Variants in SERGEF observed in about 807,000 individuals in gnomAD.
SERGEF encodes secretion-regulating guanine nucleotide exchange factor.
In SERGEF, 51 loss-of-function variants were observed where a neutral mutation model predicts 50.0. The ratio of observed to expected loss-of-function variants is 1.02; its 90% CI spans 0.81 to 1.29. SERGEF has a LOEUF of 1.29. Ranked by LOEUF, SERGEF falls within the 50% of genes most tolerant of loss-of-function variation. SERGEF has a pLI of 0.00. For missense variants in SERGEF, 521 were observed against 557.0 expected (o/e 0.94, Z 0.65); for synonymous variants, 205 against 212.4 (o/e 0.97, Z 0.30).
intron 9 of SERGEF, among the ~76,000 whole-genome samples, chr11:17,892,828 G>A (rs557439424): frequency 3.3e-5 from 5 of 152,290 alleles, no homozygotes; most frequent in East Asian, 1.9e-4. Context: ...GGAGGTTGCC[G>A]TGAGTTGAGA....
chr11:17,864,758 C>T (rs940495717), intron 10 of SERGEF, among the ~76,000 whole-genome samples: 3 of 152,196 alleles, frequency 2.0e-5, no homozygotes, highest in African/African-American at 7.2e-5. Flanking sequence ...CAGGCAACCA[C>T]TTGAGAAAGC....
At chr11:17,900,820 T>C (rs1039109411) in intron 9 of SERGEF, among the ~76,000 whole-genome samples, 1 of 152,112 alleles carries the variant, frequency 6.6e-6, no homozygotes, top group Non-Finnish European at 1.5e-5. Context: ...CATCAGAAAT[T>C]CAAAGATAAA....
chr11:17,914,214 G>C (rs533867899), intron 9 of SERGEF, among the ~76,000 whole-genome samples: 1 of 152,050 alleles, frequency 6.6e-6, no homozygotes, highest in Non-Finnish European at 1.5e-5. Context: ...CAAATCTTAC[G>C]GATTTTCAAG....
At chr11:17,852,040 T>C (rs192237078) in intron 10 of SERGEF, among the ~76,000 whole-genome samples, 93 of 152,330 alleles carry the variant, frequency 6.1e-4, no homozygotes, top group Non-Finnish European at 1.0e-3. Flanking sequence ...CCCTAAGGTG[T>C]TCATTCCCAC....
intron 10 of SERGEF, among the ~76,000 whole-genome samples, chr11:17,797,737 G>A (rs905128684): frequency 6.6e-6 from 1 of 152,220 alleles, no homozygotes; most frequent in African/African-American, 2.4e-5. Context: ...AAGGACAAAT[G>A]AATGAATGGC....
chr11:17,995,032 A>C (rs1014680912), intron 6 of SERGEF, among the ~76,000 whole-genome samples: 1 of 152,166 alleles, frequency 6.6e-6, no homozygotes, highest in African/African-American at 2.4e-5. Context: ...AAGGGAGAAG[A>C]GGAGGAAATG....
At chr11:17,934,848 G>A (rs1014529547) in intron 9 of SERGEF, among the ~76,000 whole-genome samples, 2 of 152,048 alleles carry the variant, frequency 1.3e-5, no homozygotes, top group East Asian at 1.9e-4. Context: ...CTAATACCAC[G>A]TCACATCTTT....
intron 10 of SERGEF, among the ~76,000 whole-genome samples, chr11:17,805,183 G>C (rs1270995347): frequency 1.3e-5 from 2 of 152,220 alleles, no homozygotes; most frequent in Non-Finnish European, 1.5e-5. Flanking sequence ...GTGGGGCTGA[G>C]TGTCAGACCT....
At chr11:17,802,364 T>C (rs893303692) in intron 10 of SERGEF, among the ~76,000 whole-genome samples, 4 of 151,946 alleles carry the variant, frequency 2.6e-5, no homozygotes. Flanking sequence ...TGACTATACA[T>C]GTCTCCACCT....
intron 5 of SERGEF, among the ~76,000 whole-genome samples, chr11:17,999,769 T>C (rs887242): frequency 0.32 from 48,618 of 152,110 alleles, 9,285 homozygotes; most frequent in East Asian, 0.5. Flanking sequence ...GGCTGTGCAG[T>C]TCCCTGCAAA....
intron 10 of SERGEF, among the ~76,000 whole-genome samples, chr11:17,866,008 T>G (rs895944118): frequency 2.0e-5 from 3 of 152,222 alleles, no homozygotes; most frequent in African/African-American, 7.2e-5. Flanking sequence ...TCTTTAATCT[T>G]TTGTACCATA....
intron 10 of SERGEF, among the ~76,000 whole-genome samples, chr11:17,789,424 T>C (rs567027105): frequency 1.4e-4 from 22 of 152,310 alleles, no homozygotes; most frequent in African/African-American, 5.3e-4. Flanking sequence ...ACTGAATAGA[T>C]ACAAAAATGA....
At chr11:17,811,201 C>G (rs1849866003) in intron 10 of SERGEF, among the ~76,000 whole-genome samples, 1 of 152,206 alleles carries the variant, frequency 6.6e-6, no homozygotes, top group Non-Finnish European at 1.5e-5. Flanking sequence ...AGGAAAGAGA[C>G]TTGATCAAAG....
chr11:17,952,859 G>A (rs1049854609), intron 9 of SERGEF, among the ~76,000 whole-genome samples: 3 of 152,010 alleles, frequency 2.0e-5, no homozygotes, highest in Non-Finnish European at 4.4e-5. Context: ...CCCTGTTAGC[G>A]TTTCCTTGGC....
At chr11:17,824,799 T>C (rs1850159580) in intron 10 of SERGEF, among the ~76,000 whole-genome samples, 1 of 152,226 alleles carries the variant, frequency 6.6e-6, no homozygotes, top group Non-Finnish European at 1.5e-5. Context: ...AGACCTCACT[T>C]AACCTTCATT....
At chr11:17,912,565 T>C (rs1331761835) in intron 9 of SERGEF, among the ~76,000 whole-genome samples, 5 of 152,222 alleles carry the variant, frequency 3.3e-5, no homozygotes, top group Non-Finnish European at 5.9e-5. Context: ...GAACTGAACA[T>C]CATCTAATGT....
At chr11:17,982,816 C>T (rs1258299260) in intron 8 of SERGEF, among the ~76,000 whole-genome samples, 2 of 152,166 alleles carry the variant, frequency 1.3e-5, no homozygotes, top group African/African-American at 4.8e-5. Context: ...CCATACAATT[C>T]CCCTCTTTAG....
intron 6 of SERGEF, among the ~76,000 whole-genome samples, chr11:17,994,703 C>T (rs1366450963): frequency 6.6e-6 from 1 of 152,060 alleles, no homozygotes; most frequent in African/African-American, 2.4e-5. Flanking sequence ...CTACCTGTCC[C>T]ACATCCAATG....
At chr11:17,813,433 A>T (rs531305642) in intron 10 of SERGEF, among the ~76,000 whole-genome samples, 1 of 152,284 alleles carries the variant, frequency 6.6e-6, no homozygotes, top group African/African-American at 2.4e-5. Flanking sequence ...ACCTTTTGCT[A>T]CCTTAGAGAT....
Sources: allele counts gnomAD v4.1 joint callset (sites outside exome capture counted in the v4.1 genomes callset), GRCh38; gene constraint gnomAD v4.1.1; transcripts MANE v1.5; gene names NCBI Gene and HGNC (gene_info 2026-07-23, HGNC 2026-07-21).